The following PCDHA12 variants were observed in gnomAD, a reference collection of about 807,000 sequenced individuals.
PCDHA12 encodes protocadherin alpha-12.
PCDHA12 carries 44 observed loss-of-function variants against 60.0 expected under a neutral mutation model. The observed-to-expected ratio is 0.73, with a 90% CI of 0.58 to 0.94. PCDHA12 has a LOEUF of 0.94. Among genes scored for constraint, PCDHA12 ranks in the 40% least tolerant of loss-of-function variants. The pLI is 0.00. For missense variants in PCDHA12, 1,276 were observed against 1,239.7 expected (o/e 1.03, Z -0.44); for synonymous variants, 569 against 553.0 (o/e 1.03, Z -0.40).
chr5:140,961,234 G>A (rs2095598781), intron 1 of PCDHA12, among the ~76,000 whole-genome samples: 1 of 152,180 alleles, frequency 6.6e-6, no homozygotes, highest in South Asian at 2.1e-4. Context: ...CCAAAAAGGT[G>A]ATGGAATTTA....
At chr5:140,925,434 G>C (rs1165185781) in intron 1 of PCDHA12, among the ~76,000 whole-genome samples, 1 of 152,088 alleles carries the variant, frequency 6.6e-6, no homozygotes, top group African/African-American at 2.4e-5. Flanking sequence ...TAGGGTGTTA[G>C]GCAGAATTTG....
rs1297383367 is a variant in PCDHA12 at position 140,898,744 on chromosome 5, G to T, written c.2367+20905G>T. ...CTGTGAAGAAAGTCATTGGTAGCTT[G>T]ATGGGGATGGCATTGAATCTGTAAA... is the stretch of plus-strand genomic sequence containing the variant. On this transcript the variant is annotated intron_variant, in intron 1 of 3. Coordinates refer to ENST00000398631, the MANE Select transcript of PCDHA12 (RefSeq NM_018903.4). 1.1e-4 allele frequency among the ~76,000 whole-genome samples: 17 copies of T among 152,248 alleles called. 2 individuals are homozygous for T. Among genetic ancestry groups the T allele is most frequent in the East Asian group, 7.7e-4 (4 of 5,188 alleles).
At chr5:140,926,268 T>A (rs1166651492) in intron 1 of PCDHA12, 1 of 152,208 alleles carries the variant, frequency 6.6e-6, no homozygotes, top group Non-Finnish European at 1.5e-5. Context: ...TCTCGCCGCC[T>A]CCGCTCGGCA....
At chr5:140,882,961 G>A (rs267600401) in intron 1 of PCDHA12, 1 of 1,614,180 alleles carries the variant, frequency 6.2e-7, no homozygotes, top group Non-Finnish European at 8.5e-7. Context: ...TGCTCATCAC[G>A]ATTCTGGACG....
chr5:140,903,211 C>T (rs1457584095), intron 1 of PCDHA12, among the ~76,000 whole-genome samples: 1 of 152,174 alleles, frequency 6.6e-6, no homozygotes, highest in African/African-American at 2.4e-5. Context: ...TCACCACATT[C>T]ATGCCAACAT....
chr5:140,892,408 G>A (rs1323060042), intron 1 of PCDHA12, among the ~76,000 whole-genome samples: 1 of 152,054 alleles, frequency 6.6e-6, no homozygotes, highest in African/African-American at 2.4e-5. Context: ...TCAAGCTTCA[G>A]GTATTCTAGA....
At chr5:140,987,949 A>G (rs1251112253) in intron 3 of PCDHA12, among the ~76,000 whole-genome samples, 1 of 152,162 alleles carries the variant, frequency 6.6e-6, no homozygotes, top group Non-Finnish European at 1.5e-5. Context: ...CTGTCTGACA[A>G]AACCAACTCC....
intron 1 of PCDHA12, among the ~76,000 whole-genome samples, chr5:140,937,626 A>G (rs2091639486): frequency 6.6e-6 from 1 of 150,782 alleles, no homozygotes; most frequent in Non-Finnish European, 1.5e-5. Context: ...AAAAAGAAAA[A>G]GAAAGGCAGG....
chr5:140,904,177 AC>A (rs1185990725), intron 1 of PCDHA12, among the ~76,000 whole-genome samples: 1 of 151,302 alleles, frequency 6.6e-6, no homozygotes, highest in Non-Finnish European at 1.5e-5. Flanking sequence ...TTTATTCCTC[AC>A]CCCCTTCCCA....
At chr5:140,995,416 T>G (rs2097682772) in intron 3 of PCDHA12, among the ~76,000 whole-genome samples, 1 of 152,228 alleles carries the variant, frequency 6.6e-6, no homozygotes, top group African/African-American at 2.4e-5. Context: ...TTCATCACAT[T>G]ACTCAGAACA....
intron 1 of PCDHA12, among the ~76,000 whole-genome samples, chr5:140,938,510 A>G (rs2092097687): frequency 6.6e-6 from 1 of 151,662 alleles, no homozygotes; most frequent in Non-Finnish European, 1.5e-5. Context: ...TTTATCACAT[A>G]TTTTCTGTTA....
At chr5:140,958,544 A>G (rs1218939069) in intron 1 of PCDHA12, among the ~76,000 whole-genome samples, 1 of 152,182 alleles carries the variant, frequency 6.6e-6, no homozygotes, top group Non-Finnish European at 1.5e-5. Flanking sequence ...TGATTTATGA[A>G]CCAATAAATG....
chr5:141,007,470 A>G (rs1395064697), intron 3 of PCDHA12, among the ~76,000 whole-genome samples: 2 of 151,494 alleles, frequency 1.3e-5, no homozygotes. Context: ...CAGGAGGCTG[A>G]GGCACGAGAA....
intron 1 of PCDHA12, among the ~76,000 whole-genome samples, chr5:140,964,843 T>C (rs1229980696): frequency 6.6e-6 from 1 of 152,162 alleles, no homozygotes; most frequent in African/African-American, 2.4e-5. Flanking sequence ...TCCTACTCTG[T>C]ACCCTTGAGG....
intron 1 of PCDHA12, among the ~76,000 whole-genome samples, chr5:140,896,590 T>G (rs1338982892): frequency 6.6e-6 from 1 of 152,032 alleles, no homozygotes; most frequent in Non-Finnish European, 1.5e-5. Flanking sequence ...TTGGCCAGGC[T>G]GGTCTCGAAC....
intron 1 of PCDHA12, among the ~76,000 whole-genome samples, chr5:140,922,964 GTGGCA>G (rs1293947003): frequency 6.6e-6 from 1 of 152,186 alleles, no homozygotes; most frequent in East Asian, 1.9e-4. Context: ...TCTTCAGCCA[GTGGCA>G]TATCTCAGAC....
At chr5:140,888,972 G>A (rs900678700) in intron 1 of PCDHA12, among the ~76,000 whole-genome samples, 15 of 151,928 alleles carry the variant, frequency 9.9e-5, no homozygotes, top group Non-Finnish European at 4.4e-5. Context: ...TTAATGTGTT[G>A]AATTTATGAT....
chr5:140,943,581 G>A (rs1022140100), intron 1 of PCDHA12, among the ~76,000 whole-genome samples: 1 of 152,168 alleles, frequency 6.6e-6, no homozygotes, highest in Non-Finnish European at 1.5e-5. Flanking sequence ...GTTGATCTGA[G>A]TGGGGCTGAA....
intron 1 of PCDHA12, chr5:140,882,064 C>G (rs1277765660): frequency 1.1e-5 from 9 of 831,034 alleles, no homozygotes; most frequent in Non-Finnish European, 1.6e-5. Context: ...CTTACACGTT[C>G]ATGCGCATGG....
Sources: gnomAD v4.1 joint callset for allele counts (sites outside exome capture counted in the v4.1 genomes callset) on GRCh38, gnomAD v4.1.1 for gene constraint, MANE v1.5 for transcripts, NCBI Gene and HGNC (gene_info 2026-07-23, HGNC 2026-07-21) for gene names.